Variants in NXN observed in about 807,000 individuals in gnomAD.
NXN encodes nucleoredoxin.
A neutral mutation model predicts 48.6 loss-of-function variants in NXN; 16 were observed. The ratio of observed to expected loss-of-function variants is 0.33; its 90% CI spans 0.22 to 0.50. NXN has a LOEUF of 0.50. Among genes scored for constraint, NXN ranks in the 20% least tolerant of loss-of-function variants. The pLI is 0.98. For synonymous variants in NXN, 281 were observed against 269.6 expected (o/e 1.04, Z -0.41); for missense variants, 492 against 605.5 (o/e 0.81, Z 1.97).
At chr17:880,874 C>T (rs932491830) in intron 1 of NXN, among the ~76,000 whole-genome samples, 1 of 152,102 alleles carries the variant, frequency 6.6e-6, no homozygotes, top group Non-Finnish European at 1.5e-5. Context: ...GATAACAGGA[C>T]AGATGAAAAT....
intron 1 of NXN, among the ~76,000 whole-genome samples, chr17:831,002 A>C (rs1177778094): frequency 1.3e-5 from 2 of 149,414 alleles, no homozygotes; most frequent in Non-Finnish European, 3.0e-5. Context: ...CTCCGTCTCA[A>C]AAAAAAAAAA....
At chr17:959,238 C>A in intron 1 of NXN, 1 of 863,856 alleles carries the variant, frequency 1.2e-6, no homozygotes, top group Non-Finnish European at 1.6e-6. Flanking sequence ...GATACCCCAG[C>A]TCCCAGCCCC....
intron 1 of NXN, among the ~76,000 whole-genome samples, chr17:950,621 T>C (rs1166878397): frequency 6.6e-6 from 1 of 151,888 alleles, no homozygotes. Flanking sequence ...CCCCGTCCGT[T>C]CCCCAAAAGC....
At chr17:861,663 T>C (rs1410656975) in intron 1 of NXN, among the ~76,000 whole-genome samples, 1 of 152,026 alleles carries the variant, frequency 6.6e-6, no homozygotes, top group Non-Finnish European at 1.5e-5. Flanking sequence ...GCTGGGAACA[T>C]GTTAAAAGAC....
chr17:943,987 C>T (rs1226605222), intron 1 of NXN, among the ~76,000 whole-genome samples: 1 of 152,090 alleles, frequency 6.6e-6, no homozygotes, highest in Non-Finnish European at 1.5e-5. Flanking sequence ...CCTGTAATCC[C>T]AGCACTTTGG....
intron 1 of NXN, among the ~76,000 whole-genome samples, chr17:964,882 C>T (rs1028345095): frequency 6.6e-6 from 1 of 152,192 alleles, no homozygotes; most frequent in East Asian, 1.9e-4. Flanking sequence ...AATTAGCCAG[C>T]GGGCTTCGCA....
At chr17:846,153 G>A (rs952077842) in intron 1 of NXN, among the ~76,000 whole-genome samples, 3 of 152,050 alleles carry the variant, frequency 2.0e-5, no homozygotes, top group Non-Finnish European at 1.5e-5. Context: ...AAATTGCCAG[G>A]CACGGTGGCT....
chr17:812,017 T>G (rs568119135), intron 5 of NXN, among the ~76,000 whole-genome samples: 164 of 136,978 alleles, frequency 1.2e-3, no homozygotes, highest in Non-Finnish European at 1.8e-3. Context: ...AAGCTCCGTC[T>G]CCCGGGTTCA....
chr17:808,344 C>T (rs545538636), intron 5 of NXN, among the ~76,000 whole-genome samples: 1 of 151,592 alleles, frequency 6.6e-6, no homozygotes, highest in East Asian at 1.9e-4. Context: ...CCTCTGCTGC[C>T]CAGGCTGGAG....
chr17:861,757 A>AT (rs61633734), intron 1 of NXN, among the ~76,000 whole-genome samples: 1,650 of 147,812 alleles, frequency 0.011, 28 homozygotes, highest in African/African-American at 0.038. Flanking sequence ...ACAGCAATAG[A>AT]TTTTTTTTTT....
intron 1 of NXN, among the ~76,000 whole-genome samples, chr17:891,629 G>A (rs1260362470): frequency 3.9e-5 from 6 of 152,162 alleles, no homozygotes; most frequent in African/African-American, 1.4e-4. Context: ...CCCAAGACTT[G>A]TGCTTTTAGT....
At chr17:810,758 GCACC>G (rs1567811167) in intron 5 of NXN, among the ~76,000 whole-genome samples, 1 of 152,078 alleles carries the variant, frequency 6.6e-6, no homozygotes, top group African/African-American at 2.4e-5. Context: ...GCGTGGTAGC[GCACC>G]CCTGTACTCC....
chr17:857,234 G>A (rs922055457), intron 1 of NXN, among the ~76,000 whole-genome samples: 1 of 152,078 alleles, frequency 6.6e-6, no homozygotes, highest in South Asian at 2.1e-4. Flanking sequence ...CATGGTGGAC[G>A]TGGTCTGTCT....
chr17:979,713 C>T lies in NXN; in HGVS notation c.-35G>A, dbSNP rs1455917636. The T allele has an allele frequency of 5.3e-6, 7 of 1,327,218 alleles. No homozygotes were observed. Among genetic ancestry groups the T allele is most frequent in the Non-Finnish European group, 6.7e-6 (7 of 1,039,188 alleles). 82.2% of individuals were successfully genotyped at this position (1,327,218 alleles called of 1,614,324 possible). A position where few individuals can be genotyped will look rare whatever the true frequency, so the allele number is the denominator to read the frequency against. On this transcript the variant is annotated 5_prime_UTR_variant, in exon 1 of 8. Transcript: ENST00000336868. ...CCGCAGGGCGGGCAGGCGGCTGCGA[C>T]CCCGCTCCACGGTCCGCGCGGCGGG...
At chr17:904,594 G>A (rs1186762056) in intron 1 of NXN, among the ~76,000 whole-genome samples, 1 of 152,060 alleles carries the variant, frequency 6.6e-6, no homozygotes, top group Non-Finnish European at 1.5e-5. Flanking sequence ...CCCGGGCTGG[G>A]GTGCAATGGT....
At chr17:892,043 A>G (rs1457132510) in intron 1 of NXN, among the ~76,000 whole-genome samples, 13 of 103,146 alleles carry the variant, frequency 1.3e-4, no homozygotes, top group African/African-American at 5.1e-4. Context: ...GCACAACCCA[A>G]CAGGGAACCT....
At chr17:841,625 G>GC (rs1567828107) in intron 1 of NXN, among the ~76,000 whole-genome samples, 2 of 86,282 alleles carry the variant, frequency 2.3e-5, no homozygotes, top group Non-Finnish European at 2.4e-5. Context: ...ATCTCACACG[G>GC]GCAAGCAGGT....
intron 1 of NXN, chr17:911,333 CTTCTTTTTTTTTTT>C (rs1049892414): frequency 5.8e-5 from 5 of 86,596 alleles, no homozygotes; most frequent in South Asian, 4.2e-4. Context: ...TAATGCAAGT[CTTCTTTTTTTTTTT>C]TTTTTTTTTT....
At chr17:911,721 C>T (rs1454727195) in intron 1 of NXN, among the ~76,000 whole-genome samples, 1 of 151,634 alleles carries the variant, frequency 6.6e-6, no homozygotes, top group Non-Finnish European at 1.5e-5. Flanking sequence ...CCGCCTCAGC[C>T]TCCCAAAGTG....
Sources: allele counts gnomAD v4.1 joint callset (sites outside exome capture counted in the v4.1 genomes callset), GRCh38; gene constraint gnomAD v4.1.1; transcripts MANE v1.5; gene names NCBI Gene and HGNC (gene_info 2026-07-23, HGNC 2026-07-21).